SRL: variants seen among roughly 807,000 people sequenced by gnomAD.
The protein encoded by SRL is sarcalumenin.
SRL carries 23 observed loss-of-function variants against 39.5 expected under a neutral mutation model. The ratio of observed to expected loss-of-function variants is 0.58; its 90% CI spans 0.42 to 0.82. SRL has a LOEUF of 0.82. SRL is among the 40% of genes least tolerant of loss of function. SRL has a pLI of 0.00. For synonymous variants in SRL, 272 were observed against 237.4 expected, an observed-to-expected ratio of 1.15 and a Z score of -1.34; for missense variants, 592 against 607.8, an observed-to-expected ratio of 0.97 and a Z score of 0.27.
chr16:4,204,737 A>T, intron 1 of SRL, 103 bp from the exon 2 acceptor site: 1 of 940,536 alleles, frequency 1.1e-6, no homozygotes, highest in Non-Finnish European at 1.7e-6. Context: ...CAGGGGCTCA[A>T]CAGGGTCTTG....
At chr16:4,233,009 C>G (rs940879187) in intron 1 of SRL, among the ~76,000 whole-genome samples, 1 of 152,260 alleles carries the variant, frequency 6.6e-6, no homozygotes, top group Non-Finnish European at 1.5e-5. Flanking sequence ...CAGACTTTGT[C>G]TGCACCTGTT....
At chr16:4,193,256 C>T (rs1386231728) in intron 5 of SRL, among the ~76,000 whole-genome samples, 1 of 152,154 alleles carries the variant, frequency 6.6e-6, no homozygotes, top group Non-Finnish European at 1.5e-5. Context: ...GCAGCCTCAA[C>T]CTCCCGGGTT....
chr16:4,225,428 C>CA (rs1003763261), intron 1 of SRL, among the ~76,000 whole-genome samples: 6 of 151,724 alleles, frequency 4.0e-5, no homozygotes, highest in African/African-American at 9.7e-5. Flanking sequence ...ACCAAAAATA[C>CA]AAAAAATGAG....
At chr16:4,241,175 T>C (rs2141076302) in intron 1 of SRL, among the ~76,000 whole-genome samples, 1 of 151,984 alleles carries the variant, frequency 6.6e-6, no homozygotes, top group African/African-American at 2.4e-5. Flanking sequence ...CCTAGGGGGA[T>C]CCCCGGAGCA....
intron 1 of SRL, among the ~76,000 whole-genome samples, chr16:4,231,219 G>C (rs566448046): frequency 5.9e-5 from 9 of 152,258 alleles, no homozygotes; most frequent in East Asian, 1.9e-4. Flanking sequence ...GGGAGGCTGT[G>C]GTGGGAGGAT....
chr16:4,195,500 A>C, intron 5 of SRL, 53 bp downstream of exon 5: 1 of 1,576,172 alleles, frequency 6.3e-7, no homozygotes, highest in Non-Finnish European at 8.7e-7. Flanking sequence ...GCCTGGCCAA[A>C]AATAATTTTT....
At chr16:4,234,656 C>T (rs1210042345) in intron 1 of SRL, among the ~76,000 whole-genome samples, 1 of 152,222 alleles carries the variant, frequency 6.6e-6, no homozygotes, top group Non-Finnish European at 1.5e-5. Flanking sequence ...CTGCACCCAC[C>T]CCTGTCACGT....
At chr16:4,240,358 T>C (rs951202528) in intron 1 of SRL, among the ~76,000 whole-genome samples, 4 of 152,070 alleles carry the variant, frequency 2.6e-5, no homozygotes, top group African/African-American at 9.7e-5. Flanking sequence ...AGCCACCTTG[T>C]GGGTTAGAAC....
chr16:4,207,245 G>A (rs769619652), intron 1 of SRL: 20 of 456,932 alleles, frequency 4.4e-5, no homozygotes, highest in Admixed American at 2.3e-5. Flanking sequence ...CTTCAGAGGA[G>A]GCTTCATCTG....
At chr16:4,214,451 C>G (rs746711013) in intron 1 of SRL, among the ~76,000 whole-genome samples, 33 of 152,224 alleles carry the variant, frequency 2.2e-4, no homozygotes, top group Non-Finnish European at 4.0e-4. Flanking sequence ...CTCTCCAAAT[C>G]TCTGCCTGGT....
chr16:4,204,924 C>T (rs1288849659), intron 1 of SRL, among the ~76,000 whole-genome samples: 2 of 152,202 alleles, frequency 1.3e-5, no homozygotes, highest in Non-Finnish European at 1.5e-5. Flanking sequence ...ACCTTCGCCA[C>T]GCCAGGCACT....
rs1453363242 is a variant in SRL at position 4,224,971 on chromosome 16, T to TA, written c.61+17035dup. On this transcript the variant is annotated intron_variant, in intron 1 of 5. Transcript: ENST00000399609. The stretch of plus-strand genomic sequence containing the variant: ...CGGCTGAACCTGGAAGACACGGTGG[T>TA]AAGTGAAAGAAGCTGGACACAAGAG... Among the ~76,000 whole-genome samples, 3 of 152,126 alleles carry TA rather than the reference T, an allele frequency of 2.0e-5. No individual in the cohort carries two copies. In the East Asian group the frequency reaches 5.8e-4, roughly 29 times the overall value.
chr16:4,212,946 A>G (rs1372782164), intron 1 of SRL, among the ~76,000 whole-genome samples: 2 of 152,178 alleles, frequency 1.3e-5, no homozygotes, highest in African/African-American at 4.8e-5. Flanking sequence ...AAGCACTTCT[A>G]CATGGACTCA....
chr16:4,197,680 C>G, intron 4 of SRL, 119 bp downstream of exon 4: 1 of 817,068 alleles, frequency 1.2e-6, no homozygotes, highest in Non-Finnish European at 2.1e-6. Flanking sequence ...ACTGCCTTGG[C>G]CTCCCAATGT....
intron 4 of SRL, among the ~76,000 whole-genome samples, chr16:4,196,278 C>G (rs2052141140): frequency 6.6e-6 from 1 of 151,878 alleles, no homozygotes; most frequent in African/African-American, 2.4e-5. Context: ...CCATTTTAAT[C>G]ATTTTAAAGC....
At chr16:4,233,392 G>C (rs905331658) in intron 1 of SRL, among the ~76,000 whole-genome samples, 2 of 152,120 alleles carry the variant, frequency 1.3e-5, no homozygotes, top group East Asian at 3.9e-4. Flanking sequence ...TACACTGTTC[G>C]TGATGAAATA....
At chr16:4,225,577 C>G (rs926504357) in intron 1 of SRL, among the ~76,000 whole-genome samples, 1 of 152,188 alleles carries the variant, frequency 6.6e-6, no homozygotes, top group Admixed American at 6.5e-5. Context: ...GAGTGAGACC[C>G]TGTCTCTAAA....
At chr16:4,224,694 T>C (rs903670559) in intron 1 of SRL, among the ~76,000 whole-genome samples, 6 of 149,810 alleles carry the variant, frequency 4.0e-5, no homozygotes, top group Non-Finnish European at 7.4e-5. Flanking sequence ...CACTCTCGCC[T>C]GGGCAACAGA....
At chr16:4,203,106 C>T (rs2052259203) in intron 3 of SRL, 60 bp downstream of exon 3, 29 of 1,483,794 alleles carry the variant, frequency 2.0e-5, no homozygotes, top group Middle Eastern at 1.7e-4. Flanking sequence ...AGTGTGGCCC[C>T]GCCGACAGGC....
Sources: allele counts gnomAD v4.1 joint callset (sites outside exome capture counted in the v4.1 genomes callset), GRCh38; gene constraint gnomAD v4.1.1; transcripts MANE v1.5; gene names NCBI Gene and HGNC (gene_info 2026-07-23, HGNC 2026-07-21).